The following RHOH variants were observed in gnomAD, a reference collection of about 807,000 sequenced individuals.
RHOH encodes the protein ras homolog family member H.
In RHOH, 6 loss-of-function variants were observed where a neutral mutation model predicts 13.8. The ratio of observed to expected loss-of-function variants is 0.44; its 90% CI spans 0.24 to 0.86. The LOEUF (loss-of-function observed/expected upper bound fraction) is 0.86. Ranked by LOEUF, RHOH falls within the 40% of genes least tolerant of loss-of-function variation. The pLI, the probability that RHOH is intolerant of heterozygous loss-of-function variation, is 0.24. For synonymous variants in RHOH, 117 were observed against 103.0 expected, an observed-to-expected ratio of 1.14 and a Z score of -0.82; for missense variants, 147 against 244.5, an observed-to-expected ratio of 0.60 and a Z score of 2.66.
intron 1 of RHOH, among the ~76,000 whole-genome samples, chr4:40,229,228 A>G (rs1202757734): frequency 6.6e-6 from 1 of 152,196 alleles, no homozygotes. Context: ...TCCTTTTGCC[A>G]CTTCCATGAA....
rs566534948 is a variant in RHOH at position 40,204,831 on chromosome 4, A to G, written c.-331+7531A>G. Among the ~76,000 whole-genome samples the G allele has an allele frequency of 5.9e-5, 9 of 152,338 alleles. No homozygotes were observed. The East Asian group carries it at 1.7e-3, about 29-fold the overall frequency. ...CTAGAGTTGTTTCCCTTCAGATAACATATGATTAATGCTCTAAATCCTTAG... is the reference window on the plus strand; with the variant it reads ...CTAGAGTTGTTTCCCTTCAGATAACGTATGATTAATGCTCTAAATCCTTAG... On this transcript the variant is annotated intron_variant, in intron 1 of 2. Coordinates refer to ENST00000381799, the MANE Select transcript of RHOH (RefSeq NM_004310.5).
In RHOH at chr4:40,245,538, CA is replaced by C. The variant is rs397967739; in HGVS notation, c.*1590del. On this transcript the variant is annotated 3_prime_UTR_variant, in exon 3 of 3. Transcript: ENST00000381799. ...TGGGCAACAGAGGGAGACTCCATCT[CA>C]AAAAAAAAAAAAAGAAAAGAAAAAA... is the stretch of plus-strand genomic sequence containing the variant. The C allele has an allele frequency of 1.3e-3, 126 of 96,684 alleles. No homozygotes were observed. Among genetic ancestry groups the C allele is most frequent in the Middle Eastern group, 7.9e-3 (1 of 126 alleles). The allele number at this position is 96,684 out of a possible 1,614,324, so 6.0% of individuals were successfully genotyped here.
At chr4:40,228,530 G>T (rs1378456840) in intron 1 of RHOH, among the ~76,000 whole-genome samples, 1 of 152,132 alleles carries the variant, frequency 6.6e-6, no homozygotes, top group African/African-American at 2.4e-5. Context: ...AAATATGTGT[G>T]TTGGATGGTG....
upstream of RHOH, among the ~76,000 whole-genome samples, chr4:40,196,510 G>A (rs1467719003): frequency 4.6e-5 from 7 of 152,116 alleles, no homozygotes; most frequent in East Asian, 1.9e-4. Context: ...GTGAACGCAC[G>A]GCAGGGGGCT....
chr4:40,217,696 G>A (rs1029931922), intron 1 of RHOH, among the ~76,000 whole-genome samples: 1 of 152,172 alleles, frequency 6.6e-6, no homozygotes, highest in Non-Finnish European at 1.5e-5. Context: ...AAGTTATTTT[G>A]TGTGGCAGCT....
chr4:40,210,196 C>T (rs935036113), intron 1 of RHOH, among the ~76,000 whole-genome samples: 4 of 151,780 alleles, frequency 2.6e-5, no homozygotes, highest in Admixed American at 2.6e-4. Flanking sequence ...TTGTAATGAA[C>T]CCAGCTGATC....
chr4:40,195,968 T>C (rs2109335269), upstream of RHOH, among the ~76,000 whole-genome samples: 1 of 152,348 alleles, frequency 6.6e-6, no homozygotes, highest in South Asian at 2.1e-4. Flanking sequence ...CTGCTTTCAC[T>C]TCTTTGAACA....
At chr4:40,212,363 T>G (rs1460918241) in intron 1 of RHOH, among the ~76,000 whole-genome samples, 1 of 152,150 alleles carries the variant, frequency 6.6e-6, no homozygotes, top group Non-Finnish European at 1.5e-5. Flanking sequence ...ATTGCATGAT[T>G]GATATTGTTG....
rs547801614 is a variant in RHOH, at chr4:40,243,312, G to C, written c.-75G>C. 8.3e-6 allele frequency: 11 copies of C among 1,323,782 alleles called. No individual in the cohort carries two copies. The African/African-American group carries it at 1.3e-4, about 16-fold the overall frequency. 82.0% of individuals were successfully genotyped at this position (1,323,782 alleles called of 1,614,324 possible). The stretch of plus-strand genomic sequence containing the variant: ...GCTTGCATTCCCCTTGCTGAATGGC[G>C]TGTGCTGCAGCTGCCCACTGAGGGC... On this transcript the variant is annotated 5_prime_UTR_variant, in exon 3 of 3. Transcript: ENST00000381799. The surrounding 1 kb of genome is among the most constrained non-coding windows in gnomAD (Gnocchi z 6.2).
chr4:40,231,436 C>A (rs1727931179), intron 1 of RHOH, among the ~76,000 whole-genome samples: 1 of 151,802 alleles, frequency 6.6e-6, no homozygotes, highest in Non-Finnish European at 1.5e-5. Context: ...ACTTCTCTTC[C>A]CCTTCATTCA....
chr4:40,241,076 A>G (rs1188212111), intron 1 of RHOH, among the ~76,000 whole-genome samples: 3 of 152,228 alleles, frequency 2.0e-5, no homozygotes. Flanking sequence ...GGACTAAGTC[A>G]CAAATGCATA....
rs1444813163 is a variant in RHOH, at chr4:40,244,163, C to T, written c.*201C>T. The T allele has an allele frequency of 8.8e-6, 4 of 455,550 alleles. No individual in the cohort carries two copies. The highest frequency in any genetic ancestry group is 1.6e-5 in the Non-Finnish European group (4 of 251,032). 28.2% of individuals were successfully genotyped at this position (455,550 alleles called of 1,614,324 possible). ...CTACAAGTGAACTCCTTGCCCAGGC[C>T]AGTTAGAAAATCCCTTGGGGAACTG... On this transcript the variant is annotated 3_prime_UTR_variant, in exon 3 of 3. Transcript: ENST00000381799.
chr4:40,192,578 A>C (rs530752045), upstream of RHOH, among the ~76,000 whole-genome samples: 4 of 149,352 alleles, frequency 2.7e-5, no homozygotes, highest in South Asian at 8.6e-4. Context: ...AGTAGTTGTC[A>C]TATTATTTAA....
At chr4:40,202,354 AT>A (rs763061380) in intron 1 of RHOH, among the ~76,000 whole-genome samples, 2 of 152,208 alleles carry the variant, frequency 1.3e-5, no homozygotes, top group Non-Finnish European at 2.9e-5. Context: ...TTACATTCTG[AT>A]TTTGTTGTGA....
chr4:40,194,660 G>A (rs1722941914), upstream of RHOH, among the ~76,000 whole-genome samples: 1 of 152,214 alleles, frequency 6.6e-6, no homozygotes, highest in Non-Finnish European at 1.5e-5. Context: ...ATAGGCGTGA[G>A]CCACTGCGCC....
intron 1 of RHOH, among the ~76,000 whole-genome samples, chr4:40,229,674 C>T (rs915217181): frequency 6.6e-5 from 10 of 151,782 alleles, no homozygotes; most frequent in African/African-American, 1.2e-4. Flanking sequence ...ACAAAAGCCC[C>T]CACGCTTTAA....
chr4:40,241,105 G>A (rs1336355419), intron 1 of RHOH, among the ~76,000 whole-genome samples: 1 of 152,162 alleles, frequency 6.6e-6, no homozygotes, highest in Non-Finnish European at 1.5e-5. Flanking sequence ...TTGCCTCTTG[G>A]TCTAAGGATC....
chr4:40,200,167 AG>A (rs529773127), intron 1 of RHOH, among the ~76,000 whole-genome samples: 3 of 152,148 alleles, frequency 2.0e-5, no homozygotes, highest in Non-Finnish European at 4.4e-5. Flanking sequence ...GGATGACCCC[AG>A]GGGGGTGGAA....
At chr4:40,223,854 C>T (rs1726911796) in intron 1 of RHOH, among the ~76,000 whole-genome samples, 1 of 137,976 alleles carries the variant, frequency 7.2e-6, no homozygotes, top group Admixed American at 8.2e-5. Flanking sequence ...CTCACTGCAA[C>T]TTCTGCCTCC....
Sources: gnomAD v4.1 joint callset for allele counts (sites outside exome capture counted in the v4.1 genomes callset) on GRCh38, gnomAD v4.1.1 for gene constraint, Gnocchi (gnomAD v3.1) non-coding constraint, MANE v1.5 for transcripts, NCBI Gene and HGNC (gene_info 2026-07-23, HGNC 2026-07-21) for gene names.